Variants in LRMDA observed in about 807,000 individuals in gnomAD.
LRMDA encodes leucine rich melanocyte differentiation associated.
In LRMDA, 18 loss-of-function variants were observed where a neutral mutation model predicts 29.8. The observed-to-expected ratio is 0.60, with a 90% CI of 0.42 to 0.90. The LOEUF is 0.90. Ranked by LOEUF, LRMDA falls within the 40% of genes least tolerant of loss-of-function variation. The probability of loss-of-function intolerance (pLI) is 0.00; values close to 1 mark genes in which losing one functional copy is unlikely to be tolerated. For synonymous variants in LRMDA, 125 were observed against 109.4 expected, an observed-to-expected ratio of 1.14 and a Z score of -0.89; for missense variants, 273 against 273.9, an observed-to-expected ratio of 1.00 and a Z score of 0.02.
chr10:75,872,034 T>C (rs187613014), intron 2 of LRMDA, among the ~76,000 whole-genome samples: 12 of 152,358 alleles, frequency 7.9e-5, no homozygotes, highest in African/African-American at 2.6e-4. Flanking sequence ...AGTAGTGATC[T>C]TCACCTCCAC....
At chr10:75,457,283 T>C (rs759967451) in intron 2 of LRMDA, among the ~76,000 whole-genome samples, 1 of 152,218 alleles carries the variant, frequency 6.6e-6, no homozygotes, top group Non-Finnish European at 1.5e-5. Context: ...AAATTCATTG[T>C]TGTCCTAAGA....
Position 76,448,690 on chromosome 10 carries a change from A to G in LRMDA, c.602-108519A>G, listed in dbSNP as rs1201556177. Reference sequence around the variant, plus strand: ...ATTCCTCTCCTTTTCTGGTTTTCCCAGAGAACCTGTTTTAATATTTTCCAT... The same window carrying G: ...ATTCCTCTCCTTTTCTGGTTTTCCCGGAGAACCTGTTTTAATATTTTCCAT... On this transcript the variant is annotated intron_variant, in intron 6 of 6. Transcript: ENST00000611255. 4.6e-5 allele frequency among the ~76,000 whole-genome samples: 7 copies of G among 152,042 alleles called. No homozygotes were observed. The East Asian group carries it at 1.4e-3, about 29-fold the overall frequency.
intron 2 of LRMDA, among the ~76,000 whole-genome samples, chr10:75,701,521 A>G (rs961866814): frequency 6.6e-6 from 1 of 152,196 alleles, no homozygotes; most frequent in Admixed American, 6.5e-5. Flanking sequence ...TCTCTTTTTG[A>G]TAGATCTAAT....
At chr10:76,058,242 C>G (rs924074955) in intron 4 of LRMDA, among the ~76,000 whole-genome samples, 10 of 152,206 alleles carry the variant, frequency 6.6e-5, no homozygotes, top group Non-Finnish European at 8.8e-5. Context: ...TCATTATAGT[C>G]TATGATACAG....
At chr10:75,797,804 A>G (rs1218626631) in intron 2 of LRMDA, among the ~76,000 whole-genome samples, 2 of 152,170 alleles carry the variant, frequency 1.3e-5, no homozygotes, top group African/African-American at 2.4e-5. Context: ...TTGATGATGA[A>G]CAATGCTGCC....
chr10:76,279,797 A>C (rs577816046), intron 5 of LRMDA, among the ~76,000 whole-genome samples: 1 of 152,228 alleles, frequency 6.6e-6, no homozygotes, highest in African/African-American at 2.4e-5. Context: ...AATGCTTCTT[A>C]TAGGCATTGT....
chr10:75,852,932 T>C (rs544235341), intron 2 of LRMDA, among the ~76,000 whole-genome samples: 7 of 152,234 alleles, frequency 4.6e-5, no homozygotes, highest in African/African-American at 1.7e-4. Context: ...TCAGGAAACT[T>C]ACAATCATGT....
chr10:76,383,322 T>C (rs949533402), intron 6 of LRMDA, among the ~76,000 whole-genome samples: 3 of 152,080 alleles, frequency 2.0e-5, no homozygotes, highest in Non-Finnish European at 4.4e-5. Context: ...CCGTGTTTTC[T>C]CTACAGGCTC....
intron 2 of LRMDA, among the ~76,000 whole-genome samples, chr10:75,953,103 C>T (rs956079954): frequency 1.3e-5 from 2 of 151,934 alleles, no homozygotes; most frequent in Non-Finnish European, 1.5e-5. Flanking sequence ...GACAGGGTCT[C>T]GTTCTGTTGT....
At chr10:75,541,833 T>G (rs911868142) in intron 2 of LRMDA, among the ~76,000 whole-genome samples, 2 of 152,188 alleles carry the variant, frequency 1.3e-5, no homozygotes, top group African/African-American at 4.8e-5. Context: ...ATTTTTGCCT[T>G]GAACTGTCAA....
intron 2 of LRMDA, among the ~76,000 whole-genome samples, chr10:75,597,221 G>A (rs1168927345): frequency 6.6e-6 from 1 of 152,192 alleles, no homozygotes; most frequent in Non-Finnish European, 1.5e-5. Flanking sequence ...GTGGTCTGCT[G>A]TTGATTTGAA....
intron 6 of LRMDA, among the ~76,000 whole-genome samples, chr10:76,328,145 G>A (rs547963704): frequency 1.1e-4 from 16 of 152,304 alleles, no homozygotes; most frequent in Non-Finnish European, 1.3e-4. Context: ...GAATGTGTCA[G>A]TAATCTCAGT....
At chr10:76,160,094 G>T (rs952773290) in intron 5 of LRMDA, among the ~76,000 whole-genome samples, 55 of 152,148 alleles carry the variant, frequency 3.6e-4, no homozygotes, top group Non-Finnish European at 1.2e-4. Context: ...GGGGGATGTT[G>T]ATAAGGGGGG....
rs1472695296 is a variant in LRMDA, at chr10:75,527,727, A to G, written c.131+89233A>G. 2.0e-5 allele frequency among the ~76,000 whole-genome samples: 3 copies of G among 147,394 alleles called. No homozygotes were observed. The East Asian group carries it at 5.8e-4, about 29-fold the overall frequency. On this transcript the variant is annotated intron_variant, in intron 2 of 6. Transcript: ENST00000611255. Reference sequence around the variant, plus strand: ...TGTTATATAATATATTAATATAATTATATAATAATTATAATATAAATAATA... The same window carrying G: ...TGTTATATAATATATTAATATAATTGTATAATAATTATAATATAAATAATA...
chr10:75,755,025 C>A (rs1843013875), intron 2 of LRMDA, among the ~76,000 whole-genome samples: 2 of 150,690 alleles, frequency 1.3e-5, no homozygotes, highest in Non-Finnish European at 3.0e-5. Flanking sequence ...TTTTTGACCT[C>A]ATGGAAAAGT....
At chr10:75,917,824 C>G (rs1352898035) in intron 2 of LRMDA, among the ~76,000 whole-genome samples, 1 of 152,216 alleles carries the variant, frequency 6.6e-6, no homozygotes, top group East Asian at 1.9e-4. Context: ...GTCTCGGTTT[C>G]TTTCTCCATA....
At chr10:76,531,412 G>A (rs1294235909) in intron 6 of LRMDA, among the ~76,000 whole-genome samples, 1 of 152,138 alleles carries the variant, frequency 6.6e-6, no homozygotes, top group East Asian at 1.9e-4. Flanking sequence ...TAAATATGAT[G>A]TTAGCTATAG....
intron 2 of LRMDA, among the ~76,000 whole-genome samples, chr10:75,892,345 C>T (rs189873680): frequency 2.0e-5 from 3 of 152,300 alleles, no homozygotes; most frequent in African/African-American, 7.2e-5. Flanking sequence ...CTTGAATTGG[C>T]TCAGCCCAGG....
chr10:75,975,112 G>A (rs773982116), intron 2 of LRMDA, among the ~76,000 whole-genome samples: 10 of 152,190 alleles, frequency 6.6e-5, no homozygotes, highest in Admixed American at 1.3e-4. Context: ...CCTTTGGGAC[G>A]GAGTTATTTT....
Sources: allele counts gnomAD v4.1 joint callset (sites outside exome capture counted in the v4.1 genomes callset), GRCh38; gene constraint gnomAD v4.1.1; transcripts MANE v1.5; gene names NCBI Gene and HGNC (gene_info 2026-07-23, HGNC 2026-07-21).